ERMN: variants seen among roughly 807,000 people sequenced by gnomAD.
The protein encoded by ERMN is ermin, ERM-like protein.
Under a neutral mutation model 21.4 loss-of-function variants are expected in ERMN, and 17 were observed. The ratio of observed to expected loss-of-function variants is 0.80; its 90% confidence interval spans 0.54 to 1.19. The LOEUF (loss-of-function observed/expected upper bound fraction) is 1.19, where lower values mean the gene tolerates loss of function less well. Among genes scored for constraint, ERMN ranks in the 50% most tolerant of loss-of-function variants. The probability of loss-of-function intolerance (pLI) is 0.00; values close to 1 mark genes in which losing one functional copy is unlikely to be tolerated. For synonymous variants in ERMN, 115 were observed against 111.9 expected, an observed-to-expected ratio of 1.03 and a Z score of -0.17; for missense variants, 348 against 331.6, an observed-to-expected ratio of 1.05 and a Z score of -0.38.
rs1391235831 is a variant in ERMN, at chr2:157,324,711, G to C, written c.293C>G (p.Ser98Cys). ...FIVHKAITDL[S>C]LQETSADEMT... is the part of the protein sequence containing the mutation. ...TTCATCAGCACTAGTTTCTTGGAGAGAAAGATCTGTGATAGCCTTATGAAC... is the reference window on the plus strand; with the variant it reads ...TTCATCAGCACTAGTTTCTTGGAGACAAAGATCTGTGATAGCCTTATGAAC... Residue 98 changes from serine (S) to cysteine (C), a missense_variant, in exon 2 of 3, where the codon TCT becomes TGT. Ser to Cys is a moderately radical substitution (Grantham distance 112, BLOSUM62 -1). Transcript: ENST00000410096. The C allele has an allele frequency of 1.2e-6, 2 of 1,613,656 alleles. No individual in the cohort carries two copies. Among genetic ancestry groups the C allele is most frequent in the Non-Finnish European group, 1.7e-6 (2 of 1,179,718 alleles).
chr2:157,324,831 T>A, intron 1 of ERMN, 69 bp from the exon 2 acceptor site: 2 of 1,138,968 alleles, frequency 1.8e-6, no homozygotes, highest in Non-Finnish European at 1.2e-6. Flanking sequence ...TAATAAGTTA[T>A]CAATTTAAAC....
intron 2 of ERMN, among the ~76,000 whole-genome samples, chr2:157,323,720 G>A (rs1407169357): frequency 6.6e-6 from 1 of 152,020 alleles, no homozygotes; most frequent in Non-Finnish European, 1.5e-5. Flanking sequence ...ACTTTATTTG[G>A]GAACTGTTTA....
At chr2:157,324,124 T>C in intron 2 of ERMN, 1 of 247,604 alleles carries the variant, frequency 4.0e-6, no homozygotes, top group Non-Finnish European at 7.9e-6. Context: ...ACACACAAAA[T>C]AGCTGGGCGT....
rs1396279832 is a variant in ERMN, at chr2:157,321,643, T to A, written c.483A>T (p.Gly161=). The A allele has an allele frequency of 6.2e-7, 1 of 1,613,980 alleles. No homozygotes were observed. Among genetic ancestry groups the A allele is most frequent in the African/African-American group, 1.3e-5 (1 of 74,908 alleles). ...TGTCAGCTTGGCTAGGTTTTCGAAATCCCAGCCATTCAATTTCAGCTGCCT... is the reference window on the plus strand; with the variant it reads ...TGTCAGCTTGGCTAGGTTTTCGAAAACCCAGCCATTCAATTTCAGCTGCCT... ...GHQAAEIEWL[G]FRKPSQADML... Residue 161 remains glycine (G), a synonymous_variant, in exon 3 of 3, where the codon GGA becomes GGT. Coordinates refer to ENST00000410096, the MANE Select transcript of ERMN (RefSeq NM_020711.3).
At chr2:157,327,332 C>T (rs565539099), upstream of ERMN, 50 of 637,958 alleles carry the variant, frequency 7.8e-5, 1 homozygote, top group South Asian at 7.3e-4. Context: ...ATCTCCCTCC[C>T]GCGTCATCAC....
rs1346845941 is a variant in ERMN, at chr2:157,321,690, C to T, written c.436G>A (p.Asp146Asn). Residue 146 changes from aspartate to asparagine, a missense_variant, in exon 3 of 3, where the codon GAC (aspartate) becomes AAC (asparagine). Coordinates refer to ENST00000410096, the MANE Select transcript of ERMN (RefSeq NM_020711.3). ...EQPLKEEEDE[D>N]RKNKGHQAAE... ...GCCTGGTGACCTTTGTTCTTCCTGT[C>T]CTCATCTTCTTCCTCTTTGAGAGGC... is the stretch of plus-strand genomic sequence containing the variant. 2 of 1,614,004 alleles carry T rather than the reference C, an allele frequency of 1.2e-6. No homozygotes were observed. Among genetic ancestry groups the T allele is most frequent in the Non-Finnish European group, 1.7e-6 (2 of 1,179,966 alleles).
chr2:157,325,380 AAGG>A lies in ERMN; in HGVS notation c.241+19_241+21del. 2 of 1,610,596 alleles carry A rather than the reference AAGG, an allele frequency of 1.2e-6. No individual in the cohort carries two copies. The highest frequency in any genetic ancestry group is 2.2e-5 in the East Asian group (1 of 44,802). On this transcript the variant is annotated intron_variant, in intron 1 of 2. Coordinates refer to ENST00000410096, the MANE Select transcript of ERMN (RefSeq NM_020711.3). ...ATTTATAAGTCAAAACAAGAAAATTAAGGAGAAGGGAAACACTTTACCTTTTAG... is the reference window on the plus strand; with the variant it reads ...ATTTATAAGTCAAAACAAGAAAATTAAGAAGGGAAACACTTTACCTTTTAG...
At position 157,325,634 on chromosome 2, in the gene ERMN, A is replaced by G. The variant is rs551811255; in HGVS notation, c.9T>C (p.Asp3=). MT[D]VPATFTQAEC... ...CAGCCTGGGTAAATGTAGCCGGAACATCTGTCATGATGTGCGGTTGAATCC... is the reference window on the plus strand; with the variant it reads ...CAGCCTGGGTAAATGTAGCCGGAACGTCTGTCATGATGTGCGGTTGAATCC... Residue 3 remains aspartate (D), a synonymous_variant, in exon 1 of 3, where the codon GAT becomes GAC. Transcript: ENST00000410096. The G allele has an allele frequency of 6.2e-7, 1 of 1,614,190 alleles. No homozygotes were observed. The highest frequency in any genetic ancestry group is 1.3e-5 in the African/African-American group (1 of 75,044).
At position 157,320,847 on chromosome 2, in the gene ERMN, T is replaced by C. The variant is rs980687254; in HGVS notation, c.*424A>G. On this transcript the variant is annotated 3_prime_UTR_variant, in exon 3 of 3. Transcript: ENST00000410096. The stretch of plus-strand genomic sequence containing the variant: ...AGTTTAAAAGTAAGAGAGGTTTTAA[T>C]ACCAGACTTTCCATCACTCCAATGT... The C allele has an allele frequency of 6.4e-6, 1 of 156,616 alleles. No individual in the cohort carries two copies. The highest frequency in any genetic ancestry group is 2.4e-5 in the African/African-American group (1 of 41,554). 9.7% of individuals were successfully genotyped at this position (156,616 alleles called of 1,614,324 possible).
intron 2 of ERMN, among the ~76,000 whole-genome samples, chr2:157,323,431 C>T (rs1465166837): frequency 2.6e-5 from 4 of 152,138 alleles, no homozygotes; most frequent in Admixed American, 6.5e-5. Flanking sequence ...CTACATATTT[C>T]CTTAAGTGTT....
In ERMN at chr2:157,319,812, G is replaced by C. The variant is rs1267245750; in HGVS notation, c.*1459C>G. 6.6e-6 allele frequency: 1 copy of C among 152,086 alleles called. No homozygotes were observed. Among genetic ancestry groups the C allele is most frequent in the African/African-American group, 2.4e-5 (1 of 41,416 alleles). 9.4% of individuals were successfully genotyped at this position (152,086 alleles called of 1,614,324 possible). ...TGTAAACAACTAAATAATAGTATGTGATACTATGGAAATATAATATATGAC... is the reference window on the plus strand; with the variant it reads ...TGTAAACAACTAAATAATAGTATGTCATACTATGGAAATATAATATATGAC... On this transcript the variant is annotated 3_prime_UTR_variant, in exon 3 of 3. Transcript: ENST00000410096.
upstream of ERMN, chr2:157,326,047 T>C (rs1218256615): frequency 1.7e-6 from 1 of 591,868 alleles, no homozygotes; most frequent in Admixed American, 5.1e-5. Flanking sequence ...TTTGTCCCTT[T>C]TCATAATGGC....
At position 157,321,423 on chromosome 2, in the gene ERMN, C is replaced by G. The variant is rs1162641977; in HGVS notation, c.703G>C (p.Ala235Pro). The G allele has an allele frequency of 6.2e-7, 1 of 1,614,132 alleles. No individual in the cohort carries two copies. Among genetic ancestry groups the G allele is most frequent in the Non-Finnish European group, 8.5e-7 (1 of 1,180,006 alleles). Residue 235 changes from alanine (A) to proline (P), a missense_variant, in exon 3 of 3, where the codon GCT becomes CCT. Coordinates refer to ENST00000410096, the MANE Select transcript of ERMN (RefSeq NM_020711.3). ...GTTGGCTGCTCATCAGGTGTCACAG[C>G]TTGGGAACTGGCACTGCTCAGTGGG... is the stretch of plus-strand genomic sequence containing the variant. The part of the protein sequence containing the change: ...DSPLSSASSQ[A>P]VTPDEQPTLG...
Position 157,321,770 on chromosome 2 carries a change from G to A in ERMN, c.356C>T (p.Pro119Leu). ...FREGHQWEKIPLSGSNQEIRR... is the reference protein window; with the variant it reads ...FREGHQWEKILLSGSNQEIRR... The stretch of plus-strand genomic sequence containing the variant: ...TATTTCCTGGTTACTGCCACTCAGA[G>A]GAATCTTCTCCCACTGATGCCCTGT... The change falls in exon 3 of 3, where the codon CCT becomes CTT. Residue 119 changes from proline to leucine, a missense_variant. Physicochemically the swap from Pro to Leu is moderately conservative, Grantham distance 98. Transcript: ENST00000410096. 6.2e-7 allele frequency: 1 copy of A among 1,610,390 alleles called. No individual in the cohort carries two copies. Among genetic ancestry groups the A allele is most frequent in the Non-Finnish European group, 8.5e-7 (1 of 1,179,096 alleles).
chr2:157,323,821 T>A (rs1683979855), intron 2 of ERMN, among the ~76,000 whole-genome samples: 1 of 152,228 alleles, frequency 6.6e-6, no homozygotes, highest in Non-Finnish European at 1.5e-5. Flanking sequence ...TCAATGTTCT[T>A]TTTATTCTTC....
chr2:157,323,871 CCT>C (rs1683980913), intron 2 of ERMN, among the ~76,000 whole-genome samples: 1 of 151,934 alleles, frequency 6.6e-6, no homozygotes, highest in South Asian at 2.1e-4. Flanking sequence ...ACTTTATCAC[CCT>C]GTCTTTCTTT....
chr2:157,324,758 G>T lies in ERMN; in HGVS notation c.246C>A (p.Asn82Lys). 1 of 1,600,296 alleles carries T rather than the reference G, an allele frequency of 6.2e-7. No homozygotes were observed. Among genetic ancestry groups the T allele is most frequent in the East Asian group, 2.2e-5 (1 of 44,476 alleles). Residue 82 changes from asparagine (N) to lysine (K), a missense_variant, in exon 2 of 3, where the codon AAC (asparagine) becomes AAA (lysine). By Grantham distance (94) the Asn-to-Lys change is moderately conservative. Coordinates refer to ENST00000410096, the MANE Select transcript of ERMN (RefSeq NM_020711.3). ...GAACAATAAAGAGTTTCTCTTCTGG[G>T]TTTTCTAGGAAAAAAATATAAAATC... ...SSMEDKMLKENPEEKLFIVHK... is the reference protein window; with the variant it reads ...SSMEDKMLKEKPEEKLFIVHK...
chr2:157,320,854 C>G lies in ERMN; in HGVS notation c.*417G>C, dbSNP rs919768878. On this transcript the variant is annotated 3_prime_UTR_variant, in exon 3 of 3. Transcript: ENST00000410096. ...AAGTAAGAGAGGTTTTAATACCAGA[C>G]TTTCCATCACTCCAATGTACAGGAA... is the stretch of plus-strand genomic sequence containing the variant. The G allele has an allele frequency of 6.4e-6, 1 of 156,934 alleles. No homozygotes were observed. The highest frequency in any genetic ancestry group is 2.4e-5 in the African/African-American group (1 of 41,562). The allele number at this position is 156,934 out of a possible 1,614,324, so 9.7% of individuals were successfully genotyped here.
At chr2:157,327,703 A>T, upstream of ERMN, 1 of 528,414 alleles carries the variant, frequency 1.9e-6, no homozygotes, top group Non-Finnish European at 3.4e-6. Context: ...TTGGCAGTAG[A>T]GACAGTTGTG....
Sources: gnomAD v4.1 joint callset for allele counts (sites outside exome capture counted in the v4.1 genomes callset) on GRCh38, gnomAD v4.1.1 for gene constraint, MANE v1.5 for transcripts, NCBI Gene and HGNC (gene_info 2026-07-23, HGNC 2026-07-21) for gene names.